The following VPS13D variants were observed in gnomAD, a reference collection of about 807,000 sequenced individuals.
VPS13D encodes the protein intermembrane lipid transfer protein VPS13D.
A neutral mutation model predicts 461.9 loss-of-function variants in VPS13D; 187 were observed. The ratio of observed to expected loss-of-function variants is 0.40; its 90% CI spans 0.36 to 0.46. The LOEUF (loss-of-function observed/expected upper bound fraction) is 0.46, where lower values mean the gene tolerates loss of function less well. Among genes scored for constraint, VPS13D ranks in the 20% least tolerant of loss-of-function variants. VPS13D has a pLI of 0.60. For synonymous variants in VPS13D, 1,951 were observed against 1,986.3 expected, an observed-to-expected ratio of 0.98 and a Z score of 0.47; for missense variants, 4,711 against 5,364.9, an observed-to-expected ratio of 0.88 and a Z score of 3.81.
chr1:12,308,241 A>G (rs917171122), intron 26 of VPS13D, among the ~76,000 whole-genome samples, 190 bp from the exon 27 acceptor site: 55 of 152,124 alleles, frequency 3.6e-4, no homozygotes, highest in Admixed American at 4.6e-4. Flanking sequence ...GGAGCTTTGC[A>G]TAAGGAGGTC....
chr1:12,267,553 G>A (rs112096097), intron 14 of VPS13D, among the ~76,000 whole-genome samples: 3 of 152,108 alleles, frequency 2.0e-5, no homozygotes, highest in African/African-American at 7.2e-5. Context: ...GGGTGGGAAG[G>A]CTGACTTAAA....
Position 12,385,172 on chromosome 1 carries a change from C to T in VPS13D, c.11371-88C>T, listed in dbSNP as rs1018359873. On this transcript the variant is annotated intron_variant, in intron 58 of 69. Transcript: ENST00000620676. Reference sequence around the variant, plus strand: ...CATAGGATTATTGATTATATAATGACTTTTGACCTACACAGTTGTTCTGGG... The same window carrying T: ...CATAGGATTATTGATTATATAATGATTTTTGACCTACACAGTTGTTCTGGG... 3.0e-6 allele frequency: 3 copies of T among 1,014,090 alleles called. No individual in the cohort carries two copies. The Admixed American group carries it at 6.5e-5, about 22-fold the overall frequency. 62.8% of individuals were successfully genotyped at this position (1,014,090 alleles called of 1,614,324 possible).
rs145770184 is a variant in VPS13D, at chr1:12,476,200, T to G, written c.12662+15804T>G. 5.9e-5 allele frequency among the ~76,000 whole-genome samples: 9 copies of G among 152,348 alleles called. 1 individual carries two copies. The East Asian group carries it at 1.7e-3, about 29-fold the overall frequency. ...CTTGTGTTCCTGCATTTTCAGAGTT[T>G]GGCCAGTTTATTTACTTAGAATTGC... On this transcript the variant is annotated intron_variant, in intron 67 of 69. Coordinates refer to ENST00000620676, the MANE Select transcript of VPS13D (RefSeq NM_015378.4).
intron 43 of VPS13D, among the ~76,000 whole-genome samples, chr1:12,345,894 C>G (rs1347887676): frequency 6.6e-6 from 1 of 152,184 alleles, no homozygotes; most frequent in Admixed American, 6.5e-5. Context: ...TACTCTGTGT[C>G]TCCAAATCTT....
rs148731497 is a variant in VPS13D at position 12,510,056 on chromosome 1, A to T, written c.*1032A>T. On this transcript the variant is annotated 3_prime_UTR_variant, in exon 70 of 70. Coordinates refer to ENST00000620676, the MANE Select transcript of VPS13D (RefSeq NM_015378.4). ...GCTCCACAGCCCGAGGGGACACAGGATGGAAACCCCAGGATGAGAAGGGAG... is the reference window on the plus strand; with the variant it reads ...GCTCCACAGCCCGAGGGGACACAGGTTGGAAACCCCAGGATGAGAAGGGAG... The T allele has an allele frequency of 6.6e-6, 1 of 152,396 alleles. No homozygotes were observed. The highest frequency in any genetic ancestry group is 1.9e-4 in the East Asian group (1 of 5,186). 9.4% of individuals were successfully genotyped at this position (152,396 alleles called of 1,614,324 possible).
intron 6 of VPS13D, among the ~76,000 whole-genome samples, chr1:12,252,928 A>G (rs235231): frequency 0.074 from 11,206 of 151,600 alleles, 685 homozygotes; most frequent in African/African-American, 0.15. Flanking sequence ...GGAGGCCGAG[A>G]CGGGTGGATC....
intron 60 of VPS13D, among the ~76,000 whole-genome samples, 162 bp from the exon 61 acceptor site, chr1:12,400,019 T>C (rs1644553271): frequency 6.6e-6 from 1 of 152,176 alleles, no homozygotes. Context: ...CTGCTTACTT[T>C]ATTATGACTG....
At chr1:12,234,403 C>T (rs769651671) in intron 2 of VPS13D, 40 bp downstream of exon 2, 16 of 1,533,240 alleles carry the variant, frequency 1.0e-5, no homozygotes, top group South Asian at 2.3e-5. Context: ...TTATAGGTGG[C>T]GTTTCTATTT....
chr1:12,413,089 T>G (rs1489930328), intron 63 of VPS13D, among the ~76,000 whole-genome samples: 1 of 152,170 alleles, frequency 6.6e-6, no homozygotes, highest in Non-Finnish European at 1.5e-5. Context: ...TACGCTGAGG[T>G]ACCATTACAC....
At chr1:12,371,594 T>C (rs777788435) in intron 54 of VPS13D, among the ~76,000 whole-genome samples, 29 of 152,196 alleles carry the variant, frequency 1.9e-4, no homozygotes, top group Non-Finnish European at 3.5e-4. Context: ...GATTTCACCA[T>C]GTTGGTCAGG....
chr1:12,323,720 A>G lies in VPS13D; in HGVS notation c.7930A>G (p.Arg2644Gly), dbSNP rs1479978116. The change falls in exon 35 of 70, where the codon AGG becomes GGG. Residue 2644 changes from arginine to glycine, a missense_variant. This residue lies in a region of VPS13D where 4,411 missense variants were observed against 4,937.8 expected (regional missense o/e 0.89). Coordinates refer to ENST00000620676, the MANE Select transcript of VPS13D (RefSeq NM_015378.4). ...TTGTTTCCTAGAGTTACAGCTGGCT[A>G]GGCTGCAGGAGCTGGGATTCAGCAT... is the stretch of plus-strand genomic sequence containing the variant. ...LDPVLELQLA[R>G]LQELGFSMDD... 2.5e-6 allele frequency: 4 copies of G among 1,613,944 alleles called. No individual in the cohort carries two copies. The South Asian group carries it at 4.4e-5, about 18-fold the overall frequency.
chr1:12,277,328 T>C lies in VPS13D; in HGVS notation c.3740T>C (p.Ile1247Thr), dbSNP rs922197177. 4 of 1,614,106 alleles carry C rather than the reference T, an allele frequency of 2.5e-6. No homozygotes were observed. Among genetic ancestry groups the C allele is most frequent in the Non-Finnish European group, 3.4e-6 (4 of 1,180,048 alleles). Residue 1247 changes from isoleucine (I) to threonine (T), a missense_variant, in exon 19 of 70, where the codon ATC becomes ACC. By Grantham distance (89) the Ile-to-Thr change is moderately conservative. Around this residue, in one of 3 missense-constraint regions of VPS13D, gnomAD observed 4,411 missense variants for 4,937.8 expected, o/e 0.89. Coordinates refer to ENST00000620676, the MANE Select transcript of VPS13D (RefSeq NM_015378.4). ...SIGNSVGYEN[I>T]ISDIGYFESV... Reference sequence around the variant, plus strand: ...GGGAATTCTGTAGGCTATGAAAATATCATCAGTGATATTGGCTACTTTGAA... The same window carrying C: ...GGGAATTCTGTAGGCTATGAAAATACCATCAGTGATATTGGCTACTTTGAA...
At chr1:12,344,410 A>AG (rs542090362) in intron 42 of VPS13D, among the ~76,000 whole-genome samples, 12 of 152,188 alleles carry the variant, frequency 7.9e-5, no homozygotes, top group Admixed American at 4.6e-4. Flanking sequence ...GGGATTTTAT[A>AG]GGGAAAAAAA....
At chr1:12,314,418 A>G (rs1408357557) in intron 30 of VPS13D, 91 bp downstream of exon 30, 2 of 1,231,664 alleles carry the variant, frequency 1.6e-6, no homozygotes, top group Non-Finnish European at 2.3e-6. Flanking sequence ...CAAAAAACCA[A>G]GGAATCACTA....
rs1641615398 is a variant in VPS13D at position 12,276,484 on chromosome 1, C to T, written c.2896C>T (p.Leu966Phe). 6.2e-7 allele frequency: 1 copy of T among 1,614,018 alleles called. No homozygotes were observed. The highest frequency in any genetic ancestry group is 1.7e-5 in the Admixed American group (1 of 59,992). Residue 966 changes from leucine to phenylalanine, a missense_variant, in exon 19 of 70, where the codon CTT becomes TTT. Transcript: ENST00000620676. This position sits in a 1 kb window ranked among gnomAD's most constrained non-coding sequence, Gnocchi z 4.5. ...GGAATTTAAAGTGAACTGTATGCAG[C>T]TTGGTGTTGAGAGCAATGGCCGGTA... ...LAEFKVNCMQ[L>F]GVESNGRYIS...
At chr1:12,451,135 T>C (rs1645257676) in intron 65 of VPS13D, among the ~76,000 whole-genome samples, 1 of 152,228 alleles carries the variant, frequency 6.6e-6, no homozygotes, top group Non-Finnish European at 1.5e-5. Flanking sequence ...GTGTGAATTT[T>C]TTCCCTTGCC....
At position 12,276,465 on chromosome 1, in the gene VPS13D, T is replaced by G; in HGVS notation, c.2877T>G (p.Phe959Leu). The G allele has an allele frequency of 6.2e-7, 1 of 1,614,186 alleles. No homozygotes were observed. The highest frequency in any genetic ancestry group is 8.5e-7 in the Non-Finnish European group (1 of 1,180,026). Reference protein sequence around the residue: ...LVESQLLLAEFKVNCMQLGVE... With the variant: ...LVESQLLLAELKVNCMQLGVE... Reference sequence around the variant, plus strand: ...AGTCGCAGCTCCTCCTGGCGGAATTTAAAGTGAACTGTATGCAGCTTGGTG... The same window carrying G: ...AGTCGCAGCTCCTCCTGGCGGAATTGAAAGTGAACTGTATGCAGCTTGGTG... Residue 959 changes from phenylalanine to leucine, a missense_variant, in exon 19 of 70, where the codon TTT (phenylalanine) becomes TTG (leucine). Phe to Leu is a conservative substitution (Grantham distance 22). Around this residue, in one of 3 missense-constraint regions of VPS13D, gnomAD observed 4,411 missense variants for 4,937.8 expected, o/e 0.89. Transcript: ENST00000620676. This position sits in a 1 kb window ranked among gnomAD's most constrained non-coding sequence, Gnocchi z 4.5.
chr1:12,346,588 T>G lies in VPS13D; in HGVS notation c.9022-17T>G. The G allele has an allele frequency of 6.2e-7, 1 of 1,612,600 alleles. No individual in the cohort carries two copies. Among genetic ancestry groups the G allele is most frequent in the East Asian group, 2.2e-5 (1 of 44,802 alleles). On this transcript the variant is annotated splice_polypyrimidine_tract_variant and intron_variant, in intron 43 of 69. Coordinates refer to ENST00000620676, the MANE Select transcript of VPS13D (RefSeq NM_015378.4). Reference sequence around the variant, plus strand: ...TCTTAAGTCTGTGCTGACTCTAACTTTTGAAATCTTTTTCAGATTGGCAGC... The same window carrying G: ...TCTTAAGTCTGTGCTGACTCTAACTGTTGAAATCTTTTTCAGATTGGCAGC...
At chr1:12,286,150 T>C (rs1238627325) in intron 21 of VPS13D, among the ~76,000 whole-genome samples, 1 of 151,942 alleles carries the variant, frequency 6.6e-6, no homozygotes, top group East Asian at 1.9e-4. Context: ...TGATCTTGGC[T>C]CACTGCAGCC....
Sources: allele counts gnomAD v4.1 joint callset (sites outside exome capture counted in the v4.1 genomes callset), GRCh38; gene constraint gnomAD v4.1.1; regional missense constraint gnomAD v4.1.1; non-coding constraint Gnocchi (gnomAD v3.1); transcripts MANE v1.5; gene names NCBI Gene and HGNC (gene_info 2026-07-23, HGNC 2026-07-21).